MAST4: variants seen among roughly 807,000 people sequenced by gnomAD.
MAST4 encodes the protein microtubule-associated serine/threonine-protein kinase 4.
A neutral mutation model predicts 162.7 loss-of-function variants in MAST4; 89 were observed. The ratio of observed to expected loss-of-function variants is 0.55; its 90% confidence interval spans 0.46 to 0.65. MAST4 has a LOEUF of 0.65. Among genes scored for constraint, MAST4 ranks in the 30% least tolerant of loss-of-function variants. The pLI, the probability that MAST4 is intolerant of heterozygous loss-of-function variation, is 0.00. For missense variants in MAST4, 3,153 were observed against 3,374.0 expected (o/e 0.93, Z 1.62); for synonymous variants, 1,479 against 1,361.1 (o/e 1.09, Z -1.91).
intron 1 of MAST4, among the ~76,000 whole-genome samples, chr5:66,701,493 T>C (rs2077200975): frequency 6.6e-6 from 1 of 152,238 alleles, no homozygotes; most frequent in Non-Finnish European, 1.5e-5. Flanking sequence ...TGTGTTTAGC[T>C]GTCTAGTTTT....
At chr5:66,903,453 TG>T (rs1763141267) in intron 4 of MAST4, among the ~76,000 whole-genome samples, 1 of 151,922 alleles carries the variant, frequency 6.6e-6, no homozygotes, top group African/African-American at 2.4e-5. Flanking sequence ...TGTGTGTGTG[TG>T]TGTGTGTGTG....
At chr5:66,842,593 A>G (rs924447720) in intron 3 of MAST4, among the ~76,000 whole-genome samples, 8 of 152,266 alleles carry the variant, frequency 5.3e-5, no homozygotes, top group Middle Eastern at 6.8e-3. Context: ...TGTGTCTTCA[A>G]CATACTTGCT....
At chr5:66,949,311 T>A (rs1286809541) in intron 4 of MAST4, among the ~76,000 whole-genome samples, 1 of 152,150 alleles carries the variant, frequency 6.6e-6, no homozygotes, top group African/African-American at 2.4e-5. Flanking sequence ...ATTGTAATGA[T>A]CCCTACATGT....
chr5:66,844,224 G>A (rs1758646918), intron 3 of MAST4, among the ~76,000 whole-genome samples: 1 of 143,940 alleles, frequency 6.9e-6, no homozygotes, highest in Admixed American at 7.1e-5. Flanking sequence ...ATGGGTTGTT[G>A]GTTTCTGCTA....
At chr5:67,040,679 C>G (rs918068403) in intron 4 of MAST4, among the ~76,000 whole-genome samples, 6 of 152,196 alleles carry the variant, frequency 3.9e-5, no homozygotes, top group Admixed American at 3.9e-4. Flanking sequence ...TGGTTGGTAT[C>G]CTAAGTACCA....
intron 5 of MAST4, among the ~76,000 whole-genome samples, chr5:67,081,680 G>T (rs921192520): frequency 2.0e-5 from 3 of 152,072 alleles, no homozygotes; most frequent in South Asian, 2.1e-4. Flanking sequence ...TAAGACAACT[G>T]CACTTGCACC....
chr5:66,694,978 C>T (rs1294255552), intron 1 of MAST4, among the ~76,000 whole-genome samples: 2 of 152,106 alleles, frequency 1.3e-5, no homozygotes, highest in East Asian at 3.9e-4. Context: ...TGTCTGTTCA[C>T]TCTGATGATA....
intron 4 of MAST4, among the ~76,000 whole-genome samples, chr5:66,907,790 A>G (rs1014645983): frequency 6.6e-6 from 1 of 152,162 alleles, no homozygotes. Flanking sequence ...CTTGAATTGC[A>G]TTTGTGAGAT....
intron 1 of MAST4, among the ~76,000 whole-genome samples, chr5:66,715,139 G>GTGTATGTGTGTATGTATGTGTGTAT (rs1750738624): frequency 6.6e-6 from 1 of 152,110 alleles, no homozygotes; most frequent in South Asian, 2.1e-4. Context: ...TGGACTAATG[G>GTGTATGTGTGTATGTATGTGTGTAT]GTTGCCTGGC....
chr5:66,914,744 TG>T (rs1292882142), intron 4 of MAST4, among the ~76,000 whole-genome samples: 1 of 152,174 alleles, frequency 6.6e-6, no homozygotes, highest in Non-Finnish European at 1.5e-5. Context: ...GGGTCTCAAC[TG>T]GGGGTGATTT....
At chr5:66,960,047 TTAAAA>T (rs968400139) in intron 4 of MAST4, among the ~76,000 whole-genome samples, 44 of 152,328 alleles carry the variant, frequency 2.9e-4, no homozygotes, top group African/African-American at 1.0e-3. Context: ...GCTGTCACAC[TTAAAA>T]TAATAAACAG....
At chr5:67,133,690 G>A in intron 17 of MAST4, 44 bp downstream of exon 17, 2 of 1,603,504 alleles carry the variant, frequency 1.2e-6, no homozygotes, top group South Asian at 1.1e-5. Context: ...TACAAAGTAT[G>A]GTATTGCCAG....
intron 1 of MAST4, among the ~76,000 whole-genome samples, chr5:66,751,443 G>A (rs1235225771): frequency 2.0e-5 from 3 of 152,140 alleles, no homozygotes; most frequent in African/African-American, 4.8e-5. Flanking sequence ...ACAGAGAAGT[G>A]CTTAAAGGAG....
chr5:66,952,532 G>T (rs934104508), intron 4 of MAST4, among the ~76,000 whole-genome samples: 1 of 151,614 alleles, frequency 6.6e-6, no homozygotes, highest in Non-Finnish European at 1.5e-5. Context: ...CCCCTCCCCC[G>T]CCATTAACTT....
intron 5 of MAST4, among the ~76,000 whole-genome samples, chr5:67,075,238 G>T (rs188179301): frequency 1.4e-5 from 2 of 148,032 alleles, no homozygotes; most frequent in East Asian, 4.0e-4. Flanking sequence ...TGGCATGATC[G>T]TGGCTCCCTG....
intron 4 of MAST4, among the ~76,000 whole-genome samples, chr5:66,941,779 GAT>G (rs1743398279): frequency 6.6e-6 from 1 of 152,142 alleles, no homozygotes; most frequent in Admixed American, 6.6e-5. Context: ...GAAAATGAGA[GAT>G]GTGTGTCTCT....
chr5:66,973,069 CTT>C (rs2150206746), intron 4 of MAST4, among the ~76,000 whole-genome samples: 1 of 152,264 alleles, frequency 6.6e-6, no homozygotes, highest in Non-Finnish European at 1.5e-5. Context: ...TTCCTTCTCT[CTT>C]AGCCCCTAGA....
chr5:66,838,078 C>T (rs555390788), intron 3 of MAST4, among the ~76,000 whole-genome samples: 1 of 151,622 alleles, frequency 6.6e-6, no homozygotes, highest in Admixed American at 6.6e-5. Context: ...AGACCATTAC[C>T]TCTAAGGGAC....
intron 20 of MAST4, 69 bp from the exon 21 acceptor site, chr5:67,142,352 A>T (rs1410255498): frequency 6.6e-7 from 1 of 1,515,046 alleles, no homozygotes; most frequent in Non-Finnish European, 9.0e-7. Context: ...GATCCAGAAA[A>T]TCATAATTAA....
Sources: gnomAD v4.1 joint callset for allele counts (sites outside exome capture counted in the v4.1 genomes callset) on GRCh38, gnomAD v4.1.1 for gene constraint, MANE v1.5 for transcripts, NCBI Gene and HGNC (gene_info 2026-07-23, HGNC 2026-07-21) for gene names.